TECTB: variants seen among roughly 807,000 people sequenced by gnomAD.
The protein encoded by TECTB is tectorin beta.
TECTB carries 45 observed loss-of-function variants against 43.3 expected under a neutral mutation model. The ratio of observed to expected loss-of-function variants is 1.04; its 90% CI spans 0.82 to 1.33. TECTB has a LOEUF of 1.33. Among genes scored for constraint, TECTB ranks in the 40% most tolerant of loss-of-function variants. The pLI, the probability that TECTB is intolerant of heterozygous loss-of-function variation, is 0.00. For missense variants in TECTB, 399 were observed against 404.7 expected, an observed-to-expected ratio of 0.99 and a Z score of 0.12; for synonymous variants, 169 against 156.7, an observed-to-expected ratio of 1.08 and a Z score of -0.59.
Position 112,283,496 on chromosome 10 carries a change from G to A in TECTB, c.-88G>A, listed in dbSNP as rs888808633. 59 of 521,696 alleles carry A rather than the reference G, an allele frequency of 1.1e-4. No individual in the cohort carries two copies. Among genetic ancestry groups the A allele is most frequent in the Non-Finnish European group, 1.9e-4 (55 of 294,630 alleles). 32.3% of individuals were successfully genotyped at this position (521,696 alleles called of 1,614,324 possible). On this transcript the variant is annotated splice_region_variant and 5_prime_UTR_variant, in exon 1 of 11. Transcript: ENST00000646139. ...TCCATGTGTCATTGACGCTTCCAAC[G>A]GTATGAGCCCCACTTTTTGCCTCTC...
rs141680856 is a variant in TECTB, at chr10:112,285,132, A to T, written c.267+407A>T. On this transcript the variant is annotated intron_variant, in intron 3 of 10. Transcript: ENST00000646139. ...GGAAGAGCAGTTTAGGGAGTGACCAATGTATAATACAACTTCTAACGCAGT... is the reference window on the plus strand; with the variant it reads ...GGAAGAGCAGTTTAGGGAGTGACCATTGTATAATACAACTTCTAACGCAGT... Among the ~76,000 whole-genome samples, 221 of 152,344 alleles carry T rather than the reference A, an allele frequency of 1.5e-3. 1 individual carries two copies. Among genetic ancestry groups the T allele is most frequent in the African/African-American group, 5.0e-3 (207 of 41,572 alleles).
chr10:112,298,924 C>G (rs1359981988), intron 8 of TECTB, among the ~76,000 whole-genome samples: 1 of 152,088 alleles, frequency 6.6e-6, no homozygotes, highest in Non-Finnish European at 1.5e-5. Flanking sequence ...TCCACATAGC[C>G]TATAGTAACC....
intron 7 of TECTB, among the ~76,000 whole-genome samples, chr10:112,295,392 G>A (rs1848536843): frequency 6.6e-6 from 1 of 152,194 alleles, no homozygotes; most frequent in Non-Finnish European, 1.5e-5. Context: ...AAAGTAGACA[G>A]TATAATAATC....
chr10:112,296,248 C>T (rs1228886902), intron 7 of TECTB, among the ~76,000 whole-genome samples: 1 of 152,146 alleles, frequency 6.6e-6, no homozygotes, highest in Non-Finnish European at 1.5e-5. Context: ...ACATGGATGC[C>T]CCAAAAGCAG....
At chr10:112,288,215 A>G (rs970974472) in intron 5 of TECTB, among the ~76,000 whole-genome samples, 1 of 152,200 alleles carries the variant, frequency 6.6e-6, no homozygotes, top group African/African-American at 2.4e-5. Context: ...AGGTTTTACA[A>G]TAGTTGGCAA....
In TECTB at chr10:112,303,491, C is replaced by G; in HGVS notation, c.*179C>G. The G allele has an allele frequency of 1.4e-6, 1 of 720,450 alleles. No individual in the cohort carries two copies. Among genetic ancestry groups the G allele is most frequent in the Non-Finnish European group, 2.3e-6 (1 of 436,044 alleles). 44.6% of individuals were successfully genotyped at this position (720,450 alleles called of 1,614,324 possible). A position where few individuals can be genotyped will look rare whatever the true frequency, so the allele number is the denominator to read the frequency against. On this transcript the variant is annotated 3_prime_UTR_variant, in exon 11 of 11. Coordinates refer to ENST00000646139, the MANE Select transcript of TECTB (RefSeq NM_058222.3). ...TGAATTTGGTGATGCCTTTTTCTTT[C>G]TAAGAAAAACTTAGGCTACTTCCCG... is the stretch of plus-strand genomic sequence containing the variant.
rs1848636630 is a variant in TECTB at position 112,304,486 on chromosome 10, G to C, written c.*1174G>C. On this transcript the variant is annotated 3_prime_UTR_variant, in exon 11 of 11. Coordinates refer to ENST00000646139, the MANE Select transcript of TECTB (RefSeq NM_058222.3). ...ATTGTCAACAAAATACAAACTGAAT[G>C]AACCAATTCTGGTAGAGAATTGGCT... The C allele has an allele frequency of 6.6e-6, 1 of 152,188 alleles. No homozygotes were observed. The highest frequency in any genetic ancestry group is 2.4e-5 in the African/African-American group (1 of 41,454). The allele number at this position is 152,188 out of a possible 1,614,324, so 9.4% of individuals were successfully genotyped here. A position where few individuals can be genotyped will look rare whatever the true frequency, so the allele number is the denominator to read the frequency against.
At position 112,286,188 on chromosome 10, in the gene TECTB, G is replaced by C; in HGVS notation, c.385G>C (p.Val129Leu). The C allele has an allele frequency of 1.9e-6, 3 of 1,614,122 alleles. No individual in the cohort carries two copies. Among genetic ancestry groups the C allele is most frequent in the Non-Finnish European group, 2.5e-6 (3 of 1,179,988 alleles). The part of the protein sequence containing the change: ...FSCTYHSTYL[V>L]NQAAFDQRVA... ...CTGCACCTACCACTCCACCTACTTG[G>C]TGAACCAGGCTGCCTTTGACCAGAG... is the stretch of plus-strand genomic sequence containing the variant. The change falls in exon 4 of 11, where the codon GTG becomes CTG. Residue 129 changes from valine (V) to leucine (L), a missense_variant. Physicochemically the swap from Val to Leu is conservative, Grantham distance 32. Coordinates refer to ENST00000646139, the MANE Select transcript of TECTB (RefSeq NM_058222.3).
rs1848432348 is a variant in TECTB at position 112,283,795 on chromosome 10, G to C, written c.61G>C (p.Ala21Pro). 6.2e-7 allele frequency: 1 copy of C among 1,613,730 alleles called. No individual in the cohort carries two copies. Among genetic ancestry groups the C allele is most frequent in the Admixed American group, 1.7e-5 (1 of 59,964 alleles). The stretch of plus-strand genomic sequence containing the variant: ...TGCAGAAGCCTCTGCAAAATCGTGT[G>C]CTCCAAATAAAGCAGGTATGTCCTC... ...IFAEASAKSC[A>P]PNKADVILVF... Residue 21 changes from alanine to proline, a missense_variant, in exon 2 of 11, where the codon GCT (alanine) becomes CCT (proline). Coordinates refer to ENST00000646139, the MANE Select transcript of TECTB (RefSeq NM_058222.3).
intron 5 of TECTB, among the ~76,000 whole-genome samples, chr10:112,289,889 C>A (rs987924445): frequency 5.9e-5 from 9 of 152,056 alleles, no homozygotes; most frequent in African/African-American, 2.2e-4. Context: ...TCACATGGAG[C>A]AACTCCGAGA....
At position 112,284,745 on chromosome 10, in the gene TECTB, T is replaced by G. The variant is rs765655484; in HGVS notation, c.267+20T>G. 16 of 1,498,684 alleles carry G rather than the reference T, an allele frequency of 1.1e-5. 1 individual carries two copies. In the South Asian group the frequency reaches 1.9e-4, roughly 18 times the overall value. The allele number at this position is 1,498,684 out of a possible 1,614,324, so 92.8% of individuals were successfully genotyped here. On this transcript the variant is annotated intron_variant, in intron 3 of 10. Coordinates refer to ENST00000646139, the MANE Select transcript of TECTB (RefSeq NM_058222.3). ...TCTGAGGTAAGACCAGGCCACACAG[T>G]GCAGAGTTGTTTAAGGTAAGGCAAC...
intron 5 of TECTB, among the ~76,000 whole-genome samples, chr10:112,288,347 T>A (rs11195875): frequency 0.052 from 7,894 of 151,668 alleles, 254 homozygotes; most frequent in Middle Eastern, 0.099. Flanking sequence ...TAAAAAAAAA[T>A]AATAATAATA....
rs1848430409 is a variant in TECTB, at chr10:112,283,647, G to A, written c.-87-1G>A. On this transcript the variant is annotated splice_acceptor_variant, in intron 1 of 10. Transcript: ENST00000646139. LOFTEE classifies it low-confidence loss of function (5UTR_SPLICE). ...ACTTTTCATTCATGTTTCTGACTTA[G>A]AATGATCGAGGCTCAGGCCCTGGAA... The A allele has an allele frequency of 7.4e-6, 9 of 1,220,232 alleles. No homozygotes were observed. The South Asian group carries it at 1.2e-4, about 16-fold the overall frequency. The allele number at this position is 1,220,232 out of a possible 1,614,324, so 75.6% of individuals were successfully genotyped here.
At chr10:112,289,160 C>G (rs1488098023) in intron 5 of TECTB, among the ~76,000 whole-genome samples, 1 of 152,106 alleles carries the variant, frequency 6.6e-6, no homozygotes, top group Non-Finnish European at 1.5e-5. Flanking sequence ...AAGTTAAGTA[C>G]CCAAGAAAGT....
intron 7 of TECTB, among the ~76,000 whole-genome samples, chr10:112,295,076 T>C (rs1267869829): frequency 6.6e-6 from 1 of 152,152 alleles, no homozygotes; most frequent in Non-Finnish European, 1.5e-5. Flanking sequence ...TATTGGAAAT[T>C]AGAGGAGAGA....
intron 5 of TECTB, among the ~76,000 whole-genome samples, chr10:112,287,291 C>T (rs760245098): frequency 2.0e-5 from 3 of 152,216 alleles, no homozygotes; most frequent in Non-Finnish European, 4.4e-5. Flanking sequence ...TGGTCTCTCT[C>T]AAAATAAAGT....
chr10:112,302,115 A>T lies in TECTB; in HGVS notation c.922A>T (p.Ser308Cys), dbSNP rs367924360. 2.5e-6 allele frequency: 4 copies of T among 1,614,130 alleles called. No individual in the cohort carries two copies. The highest frequency in any genetic ancestry group is 3.4e-6 in the Non-Finnish European group (4 of 1,179,986). ...ACTCACTACAGGCAGGGGATTTTCC[A>T]GTCTCTATAGCTTCTCAGGTAAGGA... is the stretch of plus-strand genomic sequence containing the variant. ...ELSLRSRGFS[S>C]LYSFSDVLHH... Residue 308 changes from serine (S) to cysteine (C), a missense_variant, in exon 10 of 11, where the codon AGT becomes TGT. By Grantham distance (112) the Ser-to-Cys change is moderately radical. Coordinates refer to ENST00000646139, the MANE Select transcript of TECTB (RefSeq NM_058222.3).
In TECTB at chr10:112,304,112, G is replaced by C. The variant is rs1589644651; in HGVS notation, c.*800G>C. On this transcript the variant is annotated 3_prime_UTR_variant, in exon 11 of 11. Transcript: ENST00000646139. ...AACCTAATAACACGGCATTGCCCCA[G>C]TGAAACTGCTGCTGGAAACATGACT... The C allele has an allele frequency of 6.6e-6, 1 of 152,176 alleles. No individual in the cohort carries two copies. 9.4% of individuals were successfully genotyped at this position (152,176 alleles called of 1,614,324 possible).
rs1848564786 is a variant in TECTB at position 112,298,122 on chromosome 10, C to T, written c.725C>T (p.Ala242Val). 5.0e-6 allele frequency: 8 copies of T among 1,614,218 alleles called. No individual in the cohort carries two copies. The highest frequency in any genetic ancestry group is 5.9e-6 in the Non-Finnish European group (7 of 1,180,034). Residue 242 changes from alanine (A) to valine (V), a missense_variant, in exon 8 of 11, where the codon GCA becomes GTA. By Grantham distance (64) the Ala-to-Val change is moderately conservative. Coordinates refer to ENST00000646139, the MANE Select transcript of TECTB (RefSeq NM_058222.3). Reference protein sequence around the residue: ...LVHENGRDHRATFQFNAFRFQ... With the variant: ...LVHENGRDHRVTFQFNAFRFQ... Reference sequence around the variant, plus strand: ...CATGAGAATGGGAGAGATCACAGGGCAACCTTCCAATTCAATGCTTTCCGG... The same window carrying T: ...CATGAGAATGGGAGAGATCACAGGGTAACCTTCCAATTCAATGCTTTCCGG...
Sources: gnomAD v4.1 joint callset for allele counts (sites outside exome capture counted in the v4.1 genomes callset) on GRCh38, gnomAD v4.1.1 for gene constraint, MANE v1.5 for transcripts, NCBI Gene and HGNC (gene_info 2026-07-23, HGNC 2026-07-21) for gene names.